Variants in MYO16 observed in about 807,000 individuals in gnomAD.
The protein encoded by MYO16 is unconventional myosin-XVI.
MYO16 carries 94 observed loss-of-function variants against 205.3 expected under a neutral mutation model. That is an observed-to-expected ratio of 0.46 (90% CI 0.39 to 0.54). MYO16 has a LOEUF of 0.54. Among genes scored for constraint, MYO16 ranks in the 20% least tolerant of loss-of-function variants. The pLI is 0.00. For missense variants in MYO16, 2,315 were observed against 2,387.5 expected (o/e 0.97, Z 0.63); for synonymous variants, 988 against 954.0 (o/e 1.04, Z -0.66).
chr13:108,823,349 G>A (rs1876086664), intron 9 of MYO16, 71 bp downstream of exon 9: 10 of 1,411,726 alleles, frequency 7.1e-6, no homozygotes, highest in Non-Finnish European at 9.6e-6. Context: ...CCCATATTAA[G>A]TCTGACTCTC....
Position 109,022,715 on chromosome 13 carries a change from G to T in MYO16, c.2796+2804G>T, listed in dbSNP as rs1246534877. On this transcript the variant is annotated intron_variant, in intron 23 of 34. Transcript: ENST00000457511. ...GTATATATTTATATATTATATATACGCATATAAACATATGTATATATTATA... is the reference window on the plus strand; with the variant it reads ...GTATATATTTATATATTATATATACTCATATAAACATATGTATATATTATA... Among the ~76,000 whole-genome samples the T allele has an allele frequency of 1.9e-4, 14 of 72,408 alleles. 1 individual carries two copies. Among genetic ancestry groups the T allele is most frequent in the Admixed American group, 3.9e-4 (2 of 5,152 alleles). 47.5% of individuals were successfully genotyped at this position (72,408 alleles called of 152,430 possible). A position where few individuals can be genotyped will look rare whatever the true frequency, so the allele number is the denominator to read the frequency against.
chr13:108,527,044 T>C, the MYO16 span, among the ~76,000 whole-genome samples: 2 of 152,214 alleles, frequency 1.3e-5, no homozygotes, highest in South Asian at 4.1e-4. Context: ...AAATACTGTG[T>C]GATCACAGAT....
intron 32 of MYO16, among the ~76,000 whole-genome samples, chr13:109,142,344 A>G (rs1877137754): frequency 6.6e-6 from 1 of 152,186 alleles, no homozygotes; most frequent in Non-Finnish European, 1.5e-5. Context: ...CTTCTCCTTA[A>G]GGAAAATTAT....
chr13:108,599,002 C>G (rs1206602508), intron 1 of MYO16, among the ~76,000 whole-genome samples: 1 of 118,954 alleles, frequency 8.4e-6, no homozygotes, highest in African/African-American at 3.2e-5. Context: ...CCCCCCTCCC[C>G]CCACCCCATC....
chr13:109,002,532 C>G (rs1300402039), intron 21 of MYO16, among the ~76,000 whole-genome samples: 1 of 152,186 alleles, frequency 6.6e-6, no homozygotes, highest in East Asian at 1.9e-4. Context: ...CAAATACTAT[C>G]TAAGCAGCTA....
Position 108,810,566 on chromosome 13 carries a change from T to A in MYO16, c.867+3762T>A, listed in dbSNP as rs527832890. Among the ~76,000 whole-genome samples the A allele has an allele frequency of 2.0e-5, 3 of 152,224 alleles. 1 individual carries two copies. Among genetic ancestry groups the A allele is most frequent in the Admixed American group, 1.3e-4 (2 of 15,288 alleles). ...GACATCTAGAATTATTCTAAAAAAT[T>A]GTTCTCTCAAAAAGATGTCATTTAG... On this transcript the variant is annotated intron_variant, in intron 7 of 34. Coordinates refer to ENST00000457511, the MANE Select transcript of MYO16 (RefSeq NM_001198950.3).
intron 32 of MYO16, among the ~76,000 whole-genome samples, chr13:109,147,621 G>A (rs1877407169): frequency 6.6e-6 from 1 of 152,152 alleles, no homozygotes. Flanking sequence ...GTCTGAAGCA[G>A]TTAAATCTTT....
Position 108,812,725 on chromosome 13 carries a change from C to T in MYO16, c.867+5921C>T, listed in dbSNP as rs1299485921. The stretch of plus-strand genomic sequence containing the variant: ...AATCCCCAGTGCAGCAAAATTAGGA[C>T]GTGAGGCCTAATGAGGGGTGTTTAG... On this transcript the variant is annotated intron_variant, in intron 7 of 34. Transcript: ENST00000457511. Among the ~76,000 whole-genome samples the T allele has an allele frequency of 5.9e-5, 9 of 152,016 alleles. No individual in the cohort carries two copies. In the East Asian group the frequency reaches 7.7e-4, roughly 13 times the overall value.
At chr13:109,136,910 C>T (rs1001898486) in intron 31 of MYO16, among the ~76,000 whole-genome samples, 4 of 152,192 alleles carry the variant, frequency 2.6e-5, no homozygotes, top group Non-Finnish European at 4.4e-5. Context: ...TGTAACAAAC[C>T]TCTCCAACTT....
chr13:108,789,811 T>C lies in MYO16; in HGVS notation c.617-3705T>C, dbSNP rs575920141. 7.2e-5 allele frequency among the ~76,000 whole-genome samples: 11 copies of C among 152,320 alleles called. No homozygotes were observed. In the East Asian group the frequency reaches 2.1e-3, roughly 29 times the overall value. On this transcript the variant is annotated intron_variant, in intron 5 of 34. Coordinates refer to ENST00000457511, the MANE Select transcript of MYO16 (RefSeq NM_001198950.3). The stretch of plus-strand genomic sequence containing the variant: ...TTATAGTGAATTGCAAATGCCTGTT[T>C]AGCTTTGTTTCCTTTTTGAGGGCAA...
At chr13:109,005,686 A>G (rs1365394010) in intron 21 of MYO16, among the ~76,000 whole-genome samples, 2 of 152,212 alleles carry the variant, frequency 1.3e-5, no homozygotes, top group Non-Finnish European at 2.9e-5. Context: ...GTTTCTGAAG[A>G]TGTTTGAGCT....
intron 1 of MYO16, among the ~76,000 whole-genome samples, chr13:108,636,491 T>C (rs1309017087): frequency 6.7e-6 from 1 of 149,740 alleles, no homozygotes; most frequent in Non-Finnish European, 1.5e-5. Flanking sequence ...GCAATTCTCC[T>C]GCCTCAGCCT....
chr13:109,067,512 T>G (rs1433444685), intron 27 of MYO16, among the ~76,000 whole-genome samples: 2 of 152,136 alleles, frequency 1.3e-5, no homozygotes, highest in Non-Finnish European at 2.9e-5. Context: ...TGTTCCAAAG[T>G]AGTTGTTGGT....
At chr13:108,968,309 A>G (rs1289584990) in intron 20 of MYO16, among the ~76,000 whole-genome samples, 3 of 152,176 alleles carry the variant, frequency 2.0e-5, no homozygotes, top group African/African-American at 7.2e-5. Flanking sequence ...TGATTGAGGA[A>G]TAAGACAATG....
rs36054088 is a variant in MYO16, at chr13:109,176,577, T to TAAAAAAAAA, written c.5324-2949_5324-2941dup. 9.1e-4 allele frequency among the ~76,000 whole-genome samples: 41 copies of TAAAAAAAAA among 44,950 alleles called. 4 individuals carry two copies. The highest frequency in any genetic ancestry group is 3.2e-3 in the African/African-American group (35 of 10,996). The allele number at this position is 44,950 out of a possible 152,430, so 29.5% of individuals were successfully genotyped here. A position where few individuals can be genotyped will look rare whatever the true frequency, so the allele number is the denominator to read the frequency against. Reference sequence around the variant, plus strand: ...GCAGCTAAATAAAATATTGTGCTGGTAAAAAAAAAAAAAAAAAAAAAAAAG... The same window carrying TAAAAAAAAA: ...GCAGCTAAATAAAATATTGTGCTGGTAAAAAAAAAAAAAAAAAAAAAAAAAAAAAAAAAG... On this transcript the variant is annotated intron_variant, in intron 33 of 34. Transcript: ENST00000457511.
chr13:109,017,369 C>T (rs1214604928), intron 22 of MYO16, among the ~76,000 whole-genome samples: 2 of 152,286 alleles, frequency 1.3e-5, no homozygotes, highest in African/African-American at 4.8e-5. Context: ...TGTGGGTAAC[C>T]CGACCTTTCT....
At chr13:108,762,560 A>C (rs1441670165) in intron 4 of MYO16, among the ~76,000 whole-genome samples, 1 of 152,104 alleles carries the variant, frequency 6.6e-6, no homozygotes, top group African/African-American at 2.4e-5. Context: ...TGTGGTTTTG[A>C]CTTGCATTTC....
At chr13:108,541,042 T>C in the MYO16 span, among the ~76,000 whole-genome samples, 1 of 152,140 alleles carries the variant, frequency 6.6e-6, no homozygotes, top group Non-Finnish European at 1.5e-5. Context: ...GTTGTTTTCA[T>C]TTGACATGAC....
intron 21 of MYO16, among the ~76,000 whole-genome samples, chr13:108,998,717 A>G (rs541350402): frequency 5.9e-5 from 9 of 152,178 alleles, no homozygotes; most frequent in Non-Finnish European, 1.2e-4. Context: ...GGCCAATGCC[A>G]TGTGAAGCTT....
Sources: gnomAD v4.1 joint callset for allele counts (sites outside exome capture counted in the v4.1 genomes callset) on GRCh38, gnomAD v4.1.1 for gene constraint, MANE v1.5 for transcripts, NCBI Gene and HGNC (gene_info 2026-07-23, HGNC 2026-07-21) for gene names.